The following EVC2 variants were observed in gnomAD, a reference collection of about 807,000 sequenced individuals.
EVC2 encodes the protein EvC ciliary complex subunit 2, also known as limbin.
A neutral mutation model predicts 149.3 loss-of-function variants in EVC2; 148 were observed. The observed-to-expected ratio is 0.99, with a 90% CI of 0.87 to 1.14. The LOEUF (loss-of-function observed/expected upper bound fraction) is 1.14, where lower values mean the gene tolerates loss of function less well. Among genes scored for constraint, EVC2 ranks in the 50% most tolerant of loss-of-function variants. The pLI, the probability that EVC2 is intolerant of heterozygous loss-of-function variation, is 0.00. For synonymous variants in EVC2, 776 were observed against 649.9 expected (o/e 1.19, Z -2.95); for missense variants, 1,854 against 1,627.3 (o/e 1.14, Z -2.40).
chr4:5,653,077 C>T (rs111980887), intron 9 of EVC2, among the ~76,000 whole-genome samples: 1 of 152,202 alleles, frequency 6.6e-6, no homozygotes, highest in Non-Finnish European at 1.5e-5. Flanking sequence ...GCAGCTGCAT[C>T]ATTTCAGTGT....
At chr4:5,671,593 C>A (rs1309561520) in intron 7 of EVC2, among the ~76,000 whole-genome samples, 1 of 152,200 alleles carries the variant, frequency 6.6e-6, no homozygotes, top group Non-Finnish European at 1.5e-5. Flanking sequence ...CTCACTGCAA[C>A]CTCCACCTCC....
chr4:5,612,922 CAAAAAAAA>C (rs34505528), intron 16 of EVC2, among the ~76,000 whole-genome samples: 7 of 26,816 alleles, frequency 2.6e-4, no homozygotes, highest in Admixed American at 4.9e-4. Context: ...ACTCTGTCTC[CAAAAAAAA>C]AAAAAAAAAA....
At chr4:5,687,427 G>C (rs1348061507) in intron 5 of EVC2, among the ~76,000 whole-genome samples, 1 of 152,164 alleles carries the variant, frequency 6.6e-6, no homozygotes, top group Non-Finnish European at 1.5e-5. Flanking sequence ...GAGAGATGGA[G>C]AGCCAAGGTT....
At position 5,576,497 on chromosome 4, in the gene EVC2, C is replaced by G; in HGVS notation, c.3058-43G>C. 6.5e-7 allele frequency: 1 copy of G among 1,546,368 alleles called. No individual in the cohort carries two copies. The highest frequency in any genetic ancestry group is 8.7e-7 in the Non-Finnish European group (1 of 1,149,818). ...AGAGGGTAAGCACCACTGCACAAGGCGGGTGGGGTGGAGGACAAAATCTGA... is the reference window on the plus strand; with the variant it reads ...AGAGGGTAAGCACCACTGCACAAGGGGGGTGGGGTGGAGGACAAAATCTGA... On this transcript the variant is annotated intron_variant, in intron 17 of 21. Transcript: ENST00000344408. The surrounding 1 kb of genome is among the most constrained non-coding windows in gnomAD (Gnocchi z 4.5).
chr4:5,606,108 C>T lies in EVC2; in HGVS notation c.2829+9314G>A, dbSNP rs79563542. Among the ~76,000 whole-genome samples, 1,066 of 152,296 alleles carry T rather than the reference C, an allele frequency of 7.0e-3. 9 individuals are homozygous for T. Among genetic ancestry groups the T allele is most frequent in the African/African-American group, 0.024 (993 of 41,570 alleles). ...TAGAGACCTCCTCACTGGTACTCCC[C>T]ACCAAATATTCTCTACAAAATGCCT... On this transcript the variant is annotated intron_variant, in intron 16 of 21. Coordinates refer to ENST00000344408, the MANE Select transcript of EVC2 (RefSeq NM_147127.5).
chr4:5,593,204 G>A (rs1712999973), intron 16 of EVC2, among the ~76,000 whole-genome samples: 1 of 152,134 alleles, frequency 6.6e-6, no homozygotes, highest in South Asian at 2.1e-4. Context: ...ATAGTAGTGT[G>A]AGAATGGACT....
chr4:5,593,581 G>C (rs1713041832), intron 16 of EVC2, among the ~76,000 whole-genome samples: 1 of 152,182 alleles, frequency 6.6e-6, no homozygotes, highest in Non-Finnish European at 1.5e-5. Context: ...CCCATTCTAG[G>C]GGGTGGAGCA....
At chr4:5,649,974 G>A (rs1560195282) in intron 9 of EVC2, among the ~76,000 whole-genome samples, 1 of 152,176 alleles carries the variant, frequency 6.6e-6, no homozygotes, top group Non-Finnish European at 1.5e-5. Context: ...ACCTACATGA[G>A]CAAAACACCA....
Position 5,696,503 on chromosome 4 carries a change from G to A in EVC2, c.283+1090C>T, listed in dbSNP as rs886816833. On this transcript the variant is annotated intron_variant, in intron 2 of 21. Coordinates refer to ENST00000344408, the MANE Select transcript of EVC2 (RefSeq NM_147127.5). This position sits in a 1 kb window ranked among gnomAD's most constrained non-coding sequence, Gnocchi z 4.1. Reference sequence around the variant, plus strand: ...GGCCGGGGACCCACGCTGAGCCCAGGGGCCTGCACTGGAACTGTCACAGCC... The same window carrying A: ...GGCCGGGGACCCACGCTGAGCCCAGAGGCCTGCACTGGAACTGTCACAGCC... Among the ~76,000 whole-genome samples the A allele has an allele frequency of 1.3e-5, 2 of 152,196 alleles. No homozygotes were observed. The highest frequency in any genetic ancestry group is 2.9e-5 in the Non-Finnish European group (2 of 68,034).
At chr4:5,579,927 G>A (rs1711612252) in intron 17 of EVC2, among the ~76,000 whole-genome samples, 2 of 152,194 alleles carry the variant, frequency 1.3e-5, no homozygotes, top group Admixed American at 6.5e-5. Flanking sequence ...CAAATACAGT[G>A]GGTACCATTT....
At chr4:5,536,545 G>C in the EVC2 span, among the ~76,000 whole-genome samples, 12 of 152,158 alleles carry the variant, frequency 7.9e-5, no homozygotes, top group Non-Finnish European at 1.5e-4. Context: ...AGCACTTTGG[G>C]AGGCCAAGGC....
chr4:5,650,671 A>AGAGAGAGAGAGAGAGAGAGCGC (rs35334619), intron 9 of EVC2, among the ~76,000 whole-genome samples: 2 of 102,462 alleles, frequency 2.0e-5, no homozygotes, highest in Non-Finnish European at 3.9e-5. Flanking sequence ...AGAGAGAGAG[A>AGAGAGAGAGAGAGAGAGAGCGC]GCCATTTAAT....
At chr4:5,641,821 G>A (rs1327836229) in intron 9 of EVC2, among the ~76,000 whole-genome samples, 4 of 152,042 alleles carry the variant, frequency 2.6e-5, no homozygotes, top group African/African-American at 7.2e-5. Flanking sequence ...TGTGCTGAAC[G>A]TGCAGGTTTG....
At chr4:5,563,901 T>C (rs1342791356) in intron 21 of EVC2, among the ~76,000 whole-genome samples, 2 of 151,800 alleles carry the variant, frequency 1.3e-5, no homozygotes, top group African/African-American at 4.8e-5. Flanking sequence ...GTGGCACACT[T>C]TGAGAATGTC....
intron 19 of EVC2, among the ~76,000 whole-genome samples, chr4:5,572,761 A>T (rs1260731548): frequency 6.6e-6 from 1 of 152,224 alleles, no homozygotes; most frequent in Non-Finnish European, 1.5e-5. Context: ...TCTGCTGGTG[A>T]CACTGGCTTT....
intron 15 of EVC2, 121 bp from the exon 16 acceptor site, chr4:5,615,665 C>A (rs1158002229): frequency 4.2e-6 from 6 of 1,433,290 alleles, no homozygotes; most frequent in Non-Finnish European, 5.9e-6. Context: ...CAAAACTCTG[C>A]CTTAGGCCAG....
intron 16 of EVC2, among the ~76,000 whole-genome samples, chr4:5,591,634 C>T (rs1004320981): frequency 1.3e-5 from 2 of 152,120 alleles, no homozygotes; most frequent in African/African-American, 2.4e-5. Context: ...GTATGAACAA[C>T]ATGGACAGTG....
downstream of EVC2, among the ~76,000 whole-genome samples, chr4:5,558,680 G>C (rs1002206288): frequency 1.3e-5 from 2 of 152,176 alleles, no homozygotes; most frequent in Non-Finnish European, 2.9e-5. Flanking sequence ...TACTGAAAAG[G>C]CTGGAAGAAA....
Position 5,694,870 on chromosome 4 carries a change from T to C in EVC2, c.284-369A>G, listed in dbSNP as rs141170434. Among the ~76,000 whole-genome samples, 952 of 152,282 alleles carry C rather than the reference T, an allele frequency of 6.3e-3. 17 individuals are homozygous for C. Among genetic ancestry groups the C allele is most frequent in the East Asian group, 0.054 (280 of 5,168 alleles). On this transcript the variant is annotated intron_variant, in intron 2 of 21. Transcript: ENST00000344408. ...CCCTCCAGCTGTGAGTCCTTGGGCA[T>C]AACCTCTAACCTCTCTATACCTCGG...
Sources: gnomAD v4.1 joint callset for allele counts (sites outside exome capture counted in the v4.1 genomes callset) on GRCh38, gnomAD v4.1.1 for gene constraint, Gnocchi (gnomAD v3.1) non-coding constraint, MANE v1.5 for transcripts, NCBI Gene and HGNC (gene_info 2026-07-23, HGNC 2026-07-21) for gene names.